P4HA1: variants seen among roughly 807,000 people sequenced by gnomAD.
P4HA1 encodes the protein prolyl 4-hydroxylase subunit alpha-1.
A neutral mutation model predicts 72.8 loss-of-function variants in P4HA1; 24 were observed. That is an observed-to-expected ratio of 0.33 (90% CI 0.24 to 0.46). The LOEUF (loss-of-function observed/expected upper bound fraction) is 0.46, where lower values mean the gene tolerates loss of function less well. P4HA1 is among the 20% of genes least tolerant of loss of function. The pLI is 1.00. For synonymous variants in P4HA1, 201 were observed against 218.8 expected (o/e 0.92, Z 0.72); for missense variants, 446 against 640.6 (o/e 0.70, Z 3.28).
chr10:73,096,168 TC>T (rs1842160306), intron 1 of P4HA1, among the ~76,000 whole-genome samples: 1 of 152,204 alleles, frequency 6.6e-6, no homozygotes, highest in Non-Finnish European at 1.5e-5. Flanking sequence ...CCGGGCTACG[TC>T]TGGCAGCTAA....
At chr10:73,046,443 T>TA (rs887321594) in intron 8 of P4HA1, among the ~76,000 whole-genome samples, 1 of 152,204 alleles carries the variant, frequency 6.6e-6, no homozygotes, top group Non-Finnish European at 1.5e-5. Context: ...TTCTGTGGGT[T>TA]AAAGTCAGAA....
chr10:73,024,737 C>T (rs1840224449), intron 10 of P4HA1, among the ~76,000 whole-genome samples: 1 of 152,062 alleles, frequency 6.6e-6, no homozygotes, highest in Non-Finnish European at 1.5e-5. Flanking sequence ...AATTGATAGA[C>T]AGCTAGCAAG....
intron 5 of P4HA1, among the ~76,000 whole-genome samples, chr10:73,062,589 C>T (rs1429654164): frequency 6.6e-6 from 1 of 152,092 alleles, no homozygotes; most frequent in Non-Finnish European, 1.5e-5. Context: ...TATTAAGTGT[C>T]CGATAACATC....
chr10:73,073,887 A>AAGAATGATTG, intron 2 of P4HA1, 60 bp from the exon 3 acceptor site: 4 of 817,820 alleles, frequency 4.9e-6, no homozygotes, highest in Non-Finnish European at 8.6e-6. Flanking sequence ...TGTTAAGAAT[A>AAGAATGATTG]AGAATGATTG....
At chr10:73,062,347 TCA>T (rs1841331224) in intron 5 of P4HA1, among the ~76,000 whole-genome samples, 1 of 151,796 alleles carries the variant, frequency 6.6e-6, no homozygotes. Context: ...ACACAGAAAA[TCA>T]CATAGTTCCC....
chr10:73,079,108 G>A (rs1841769015), intron 1 of P4HA1, among the ~76,000 whole-genome samples: 2 of 152,176 alleles, frequency 1.3e-5, no homozygotes. Context: ...TTTTGAGCAT[G>A]TTCCATCTTG....
At chr10:73,051,022 C>T in intron 7 of P4HA1, 31 bp downstream of exon 7, 1 of 1,496,922 alleles carries the variant, frequency 6.7e-7, no homozygotes. Flanking sequence ...CACACACATT[C>T]ACATACACAC....
At chr10:73,082,419 CA>C (rs1841843448) in intron 1 of P4HA1, 1 of 152,088 alleles carries the variant, frequency 6.6e-6, no homozygotes, top group South Asian at 2.1e-4. Context: ...GTAAAATTTT[CA>C]AAAGTTTATA....
At position 73,007,984 on chromosome 10, in the gene P4HA1, CTTG is replaced by C. The variant is rs755670946; in HGVS notation, c.*235_*237del. 3.9e-6 allele frequency: 1 copy of C among 257,998 alleles called. No homozygotes were observed. Among genetic ancestry groups the C allele is most frequent in the Non-Finnish European group, 6.4e-6 (1 of 157,336 alleles). The allele number at this position is 257,998 out of a possible 1,614,324, so 16.0% of individuals were successfully genotyped here. A position where few individuals can be genotyped will look rare whatever the true frequency, so the allele number is the denominator to read the frequency against. ...TAAAATTCCTCACTTTAAACTCTGC[CTTG>C]TCTTCTGTGATACCAACAGAACTTT... is the stretch of plus-strand genomic sequence containing the variant. On this transcript the variant is annotated 3_prime_UTR_variant, in exon 15 of 15. Coordinates refer to ENST00000394890, the MANE Select transcript of P4HA1 (RefSeq NM_001017962.3).
intron 5 of P4HA1, among the ~76,000 whole-genome samples, chr10:73,066,348 G>A (rs1477148310): frequency 6.6e-6 from 1 of 152,136 alleles, no homozygotes; most frequent in Non-Finnish European, 1.5e-5. Flanking sequence ...ACCTGAGAAA[G>A]AATGAATATT....
chr10:73,046,062 A>G (rs186801612), intron 8 of P4HA1, among the ~76,000 whole-genome samples: 1 of 152,196 alleles, frequency 6.6e-6, no homozygotes, highest in African/African-American at 2.4e-5. Context: ...ATATAGCCAC[A>G]CTCTTTCATT....
intron 11 of P4HA1, 54 bp downstream of exon 11, chr10:73,016,792 C>G: frequency 1.5e-6 from 2 of 1,320,598 alleles, no homozygotes; most frequent in South Asian, 2.4e-5. Context: ...TGTTTTGAGA[C>G]AAACAATGTA....
At chr10:73,015,936 TA>T (rs1839999883) in intron 11 of P4HA1, among the ~76,000 whole-genome samples, 1 of 152,112 alleles carries the variant, frequency 6.6e-6, no homozygotes, top group African/African-American at 2.4e-5. Context: ...CGTATTTCCA[TA>T]AATTCCAAAT....
intron 5 of P4HA1, 31 bp downstream of exon 5, chr10:73,068,815 G>C (rs201836470): frequency 1.1e-5 from 17 of 1,576,410 alleles, no homozygotes; most frequent in Non-Finnish European, 1.4e-5. Flanking sequence ...CTAGGTGATA[G>C]GTATTTTATA....
chr10:73,035,008 C>T (rs990541610), intron 9 of P4HA1, among the ~76,000 whole-genome samples: 7 of 152,052 alleles, frequency 4.6e-5, no homozygotes, highest in Admixed American at 4.6e-4. Context: ...TGTTGATGGA[C>T]ATTTGGGTTG....
chr10:73,039,016 G>C (rs1840669503), intron 9 of P4HA1, among the ~76,000 whole-genome samples: 1 of 152,082 alleles, frequency 6.6e-6, no homozygotes, highest in African/African-American at 2.4e-5. Context: ...TTTTTGGCTG[G>C]ATGCAATGGC....
chr10:73,075,967 A>G (rs1841688183), intron 1 of P4HA1, among the ~76,000 whole-genome samples: 1 of 152,102 alleles, frequency 6.6e-6, no homozygotes, highest in African/African-American at 2.4e-5. Flanking sequence ...CTGGCCAGGC[A>G]CAGTGGCAGG....
At chr10:73,029,703 C>T (rs1286697900) in intron 10 of P4HA1, among the ~76,000 whole-genome samples, 1 of 150,820 alleles carries the variant, frequency 6.6e-6, no homozygotes, top group Admixed American at 6.6e-5. Context: ...ATGTTTATTC[C>T]CTATAACTAA....
intron 5 of P4HA1, among the ~76,000 whole-genome samples, chr10:73,059,839 G>A (rs1013051731): frequency 6.6e-6 from 1 of 152,060 alleles, no homozygotes; most frequent in Admixed American, 6.6e-5. Context: ...TAACTATTTG[G>A]GAGGCTGTGA....
Sources: allele counts gnomAD v4.1 joint callset (sites outside exome capture counted in the v4.1 genomes callset), GRCh38; gene constraint gnomAD v4.1.1; transcripts MANE v1.5; gene names NCBI Gene and HGNC (gene_info 2026-07-23, HGNC 2026-07-21).